Variants in ZSWIM6 observed in about 807,000 individuals in gnomAD.
ZSWIM6 encodes the protein zinc finger SWIM domain-containing protein 6.
A neutral mutation model predicts 113.2 loss-of-function variants in ZSWIM6; 9 were observed. The observed-to-expected ratio is 0.08, with a 90% CI of 0.05 to 0.14. ZSWIM6 has a LOEUF of 0.14. Ranked by LOEUF, ZSWIM6 falls within the 10% of genes least tolerant of loss-of-function variation. ZSWIM6 has a pLI of 1.00. For missense variants in ZSWIM6, 1,162 were observed against 1,552.2 expected (o/e 0.75, Z 4.22); for synonymous variants, 611 against 606.5 (o/e 1.01, Z -0.11).
chr5:61,535,194 G>A (rs942884098), intron 9 of ZSWIM6, among the ~76,000 whole-genome samples: 3 of 152,162 alleles, frequency 2.0e-5, no homozygotes, highest in African/African-American at 2.4e-5. Context: ...ACGCTATAGA[G>A]GGTTCCTTTC....
intron 1 of ZSWIM6, among the ~76,000 whole-genome samples, chr5:61,414,783 C>T (rs143982271): frequency 3.3e-5 from 5 of 152,238 alleles, no homozygotes; most frequent in East Asian, 1.9e-4. Flanking sequence ...AAGGGGTCAG[C>T]GTTCAATACT....
At chr5:61,337,200 AC>A (rs1481946614) in intron 1 of ZSWIM6, among the ~76,000 whole-genome samples, 2 of 151,874 alleles carry the variant, frequency 1.3e-5, no homozygotes, top group Non-Finnish European at 2.9e-5. Context: ...AATCGTTTGA[AC>A]CCGGGAAGCA....
At position 61,332,555 on chromosome 5, in the gene ZSWIM6, G is replaced by T; in HGVS notation, c.283G>T (p.Glu95Ter). ...VAEKWPFQRV[E>*]ERFERIPEPV... ...GGAGAAGTGGCCGTTCCAGCGCGTG[G>T]AGGAGCGCTTTGAGCGCATCCCGGA... Residue 95 changes from glutamate (E) to a stop codon, truncating the protein, a stop_gained, in exon 1 of 14, where the codon GAG becomes TAG. Coordinates refer to ENST00000252744, the MANE Select transcript of ZSWIM6 (RefSeq NM_020928.2). LOFTEE classifies it high-confidence loss of function. 1 of 1,364,058 alleles carries T rather than the reference G, an allele frequency of 7.3e-7. No individual in the cohort carries two copies. Among genetic ancestry groups the T allele is most frequent in the Non-Finnish European group, 9.7e-7 (1 of 1,031,574 alleles). The allele number at this position is 1,364,058 out of a possible 1,614,324, so 84.5% of individuals were successfully genotyped here.
chr5:61,333,101 G>T (rs1216136634), intron 1 of ZSWIM6, among the ~76,000 whole-genome samples, 153 bp downstream of exon 1: 6 of 151,550 alleles, frequency 4.0e-5, no homozygotes, highest in Non-Finnish European at 8.9e-5. Flanking sequence ...CTCCTGAGCG[G>T]AGCGCCCATT....
At chr5:61,373,688 T>C (rs931922873) in intron 1 of ZSWIM6, among the ~76,000 whole-genome samples, 8 of 152,192 alleles carry the variant, frequency 5.3e-5, no homozygotes, top group African/African-American at 1.9e-4. Context: ...ATCTTACTGA[T>C]TTTTCACCAT....
intron 1 of ZSWIM6, among the ~76,000 whole-genome samples, chr5:61,434,196 T>C (rs1050469751): frequency 6.8e-6 from 1 of 147,550 alleles, no homozygotes; most frequent in African/African-American, 2.5e-5. Flanking sequence ...CATATATAAA[T>C]ATATGTATAA....
chr5:61,475,051 T>C (rs1262299258), intron 2 of ZSWIM6, among the ~76,000 whole-genome samples: 2 of 152,232 alleles, frequency 1.3e-5, no homozygotes, highest in Non-Finnish European at 2.9e-5. Flanking sequence ...TGCTCTGTCA[T>C]ATCATCTGCC....
chr5:61,369,502 C>A (rs1475996109), intron 1 of ZSWIM6, among the ~76,000 whole-genome samples: 1 of 152,178 alleles, frequency 6.6e-6, no homozygotes, highest in African/African-American at 2.4e-5. Context: ...TATTCCAGGG[C>A]TCAGGCTTAG....
chr5:61,501,364 G>A (rs1748462526), intron 4 of ZSWIM6, among the ~76,000 whole-genome samples: 1 of 152,132 alleles, frequency 6.6e-6, no homozygotes, highest in Admixed American at 6.6e-5. Flanking sequence ...GCTGTGTACT[G>A]CTATCAACTA....
intron 1 of ZSWIM6, among the ~76,000 whole-genome samples, chr5:61,409,093 TTC>T (rs1491299740): frequency 0.022 from 2,869 of 129,154 alleles, 47 homozygotes; most frequent in African/African-American, 0.052. Flanking sequence ...TTTTTTTTTT[TTC>T]CCGTTTTTGA....
chr5:61,486,410 G>A (rs1252346672), intron 2 of ZSWIM6, among the ~76,000 whole-genome samples: 1 of 152,078 alleles, frequency 6.6e-6, no homozygotes, highest in Non-Finnish European at 1.5e-5. Flanking sequence ...TAACGTAGGA[G>A]TGCAGGTGTC....
intron 1 of ZSWIM6, chr5:61,390,959 C>A: frequency 1.3e-6 from 1 of 760,930 alleles, no homozygotes; most frequent in South Asian, 1.3e-5. Context: ...AGGTCATAGT[C>A]AGTGGAGGCA....
intron 1 of ZSWIM6, among the ~76,000 whole-genome samples, chr5:61,440,109 G>A (rs1158586810): frequency 1.3e-5 from 2 of 151,828 alleles, no homozygotes; most frequent in Non-Finnish European, 2.9e-5. Context: ...TTTAGTGCTA[G>A]GTAGGAAAGG....
intron 1 of ZSWIM6, among the ~76,000 whole-genome samples, chr5:61,457,244 T>C (rs1212005275): frequency 2.6e-5 from 4 of 152,238 alleles, no homozygotes; most frequent in African/African-American, 9.6e-5. Context: ...GGGTTCGTAC[T>C]GTGCCAAAGA....
intron 4 of ZSWIM6, among the ~76,000 whole-genome samples, chr5:61,509,099 G>T (rs1186467823): frequency 6.6e-6 from 1 of 152,096 alleles, no homozygotes. Context: ...CTGAAGTTCT[G>T]TTATTTCACT....
intron 2 of ZSWIM6, among the ~76,000 whole-genome samples, chr5:61,486,152 C>A (rs1175851966): frequency 1.3e-5 from 2 of 152,142 alleles, no homozygotes; most frequent in Non-Finnish European, 2.9e-5. Flanking sequence ...TATCATTCCA[C>A]ACACTCCATG....
chr5:61,355,431 AACACACACACACACACAC>A (rs34072520), intron 1 of ZSWIM6, among the ~76,000 whole-genome samples: 9,321 of 127,558 alleles, frequency 0.073, 350 homozygotes, highest in South Asian at 0.11. Context: ...GAGACTTTAA[AACACACACACACACACAC>A]ACACACACAC....
chr5:61,391,660 TC>T, intron 1 of ZSWIM6: 1 of 1,004,534 alleles, frequency 1.0e-6, no homozygotes, highest in Non-Finnish European at 1.6e-6. Context: ...CTCTATCACT[TC>T]CTTCTTGTTC....
chr5:61,344,748 T>G (rs1249567375), intron 1 of ZSWIM6, among the ~76,000 whole-genome samples: 1 of 152,214 alleles, frequency 6.6e-6, no homozygotes, highest in Non-Finnish European at 1.5e-5. Context: ...AGCATGGCCC[T>G]ACATCAGGCT....
Sources: allele counts gnomAD v4.1 joint callset (sites outside exome capture counted in the v4.1 genomes callset), GRCh38; gene constraint gnomAD v4.1.1; transcripts MANE v1.5; gene names NCBI Gene and HGNC (gene_info 2026-07-23, HGNC 2026-07-21).